Variants in THSD7A observed in about 807,000 individuals in gnomAD.
The protein encoded by THSD7A is thrombospondin type 1 domain containing 7A, also known as thrombospondin type-1 domain-containing protein 7A.
THSD7A carries 96 observed loss-of-function variants against 231.3 expected under a neutral mutation model. That is an observed-to-expected ratio of 0.41 (90% CI 0.35 to 0.49). The LOEUF is 0.49. Ranked by LOEUF, THSD7A falls within the 20% of genes least tolerant of loss-of-function variation. The pLI, the probability that THSD7A is intolerant of heterozygous loss-of-function variation, is 0.05. For missense variants in THSD7A, 2,290 were observed against 2,070.2 expected (o/e 1.11, Z -2.06); for synonymous variants, 940 against 743.3 (o/e 1.26, Z -4.30).
intron 1 of THSD7A, among the ~76,000 whole-genome samples, chr7:11,750,106 G>C (rs900774008): frequency 6.6e-6 from 1 of 151,142 alleles, no homozygotes; most frequent in African/African-American, 2.4e-5. Flanking sequence ...AAAATTTACA[G>C]GGAGCCACAA....
At position 11,814,851 on chromosome 7, in the gene THSD7A, G is replaced by A. The variant is rs1412364819; in HGVS notation, c.190+16906C>T. 6.6e-6 allele frequency among the ~76,000 whole-genome samples: 1 copy of A among 152,122 alleles called. No homozygotes were observed. Among genetic ancestry groups the A allele is most frequent in the African/African-American group, 2.4e-5 (1 of 41,430 alleles). ...TCTCAAAAGAAGCTGTTTGATAAGA[G>A]TGATTGGATCTTCTGATCTTTGCTG... On this transcript the variant is annotated intron_variant, in intron 1 of 27. Transcript: ENST00000423059. This position sits in a 1 kb window ranked among gnomAD's most constrained non-coding sequence, Gnocchi z 5.1.
In THSD7A at chr7:11,634,201, T is replaced by G. The variant is rs1010161712; in HGVS notation, c.1022+1929A>C. 1.3e-5 allele frequency among the ~76,000 whole-genome samples: 2 copies of G among 152,212 alleles called. No individual in the cohort carries two copies. The highest frequency in any genetic ancestry group is 4.8e-5 in the African/African-American group (2 of 41,454). ...ATACTGTAATAAGTCAGAAAATATA[T>G]GCAACTATCAATTTATTGGAAGTTA... On this transcript the variant is annotated intron_variant, in intron 2 of 27. Coordinates refer to ENST00000423059, the MANE Select transcript of THSD7A (RefSeq NM_015204.3). This position sits in a 1 kb window ranked among gnomAD's most constrained non-coding sequence, Gnocchi z 4.1.
At chr7:11,656,479 G>A (rs1053552572) in intron 1 of THSD7A, among the ~76,000 whole-genome samples, 1 of 151,786 alleles carries the variant, frequency 6.6e-6, no homozygotes, top group Non-Finnish European at 1.5e-5. Context: ...GAGAAAGCTT[G>A]CAGTTGGATT....
chr7:11,558,354 C>G (rs1789935581), intron 4 of THSD7A, among the ~76,000 whole-genome samples: 1 of 152,026 alleles, frequency 6.6e-6, no homozygotes, highest in African/African-American at 2.4e-5. Context: ...AAAAATAAAG[C>G]CTTTTATTAT....
intron 17 of THSD7A, among the ~76,000 whole-genome samples, chr7:11,413,316 G>A (rs913423320): frequency 1.5e-4 from 22 of 150,976 alleles, no homozygotes; most frequent in African/African-American, 5.4e-4. Flanking sequence ...AAAGTTCTAA[G>A]ACCTGCAACT....
At chr7:11,566,677 C>T (rs1306160657) in intron 4 of THSD7A, among the ~76,000 whole-genome samples, 1 of 152,078 alleles carries the variant, frequency 6.6e-6, no homozygotes, top group Non-Finnish European at 1.5e-5. Flanking sequence ...ATTTTATTTT[C>T]TCTACTCGTG....
chr7:11,799,404 T>A (rs570056207), intron 1 of THSD7A, among the ~76,000 whole-genome samples: 1 of 152,336 alleles, frequency 6.6e-6, no homozygotes, highest in African/African-American at 2.4e-5. Flanking sequence ...TTTTGATTTA[T>A]AATGATTTTT....
chr7:11,700,408 C>T (rs1780549769), intron 1 of THSD7A, among the ~76,000 whole-genome samples: 1 of 150,976 alleles, frequency 6.6e-6, no homozygotes, highest in Admixed American at 6.6e-5. Context: ...TTCTATTTTT[C>T]CCTCCTAAAA....
intron 23 of THSD7A, chr7:11,383,733 T>G (rs1782617210): frequency 6.6e-6 from 1 of 152,036 alleles, no homozygotes; most frequent in African/African-American, 2.4e-5. Context: ...CATTTGGATC[T>G]CCTGGTATGC....
intron 4 of THSD7A, among the ~76,000 whole-genome samples, chr7:11,568,694 T>C (rs1009922189): frequency 1.4e-5 from 2 of 146,046 alleles, no homozygotes; most frequent in African/African-American, 5.0e-5. Flanking sequence ...ACTGTCACCA[T>C]TCTTATTCCA....
intron 1 of THSD7A, among the ~76,000 whole-genome samples, chr7:11,765,792 C>G (rs954690589): frequency 6.6e-6 from 1 of 151,972 alleles, no homozygotes; most frequent in African/African-American, 2.4e-5. Context: ...TCCATTGCAG[C>G]CTGTACATAC....
chr7:11,564,220 C>G (rs970458129), intron 4 of THSD7A, among the ~76,000 whole-genome samples: 21 of 152,186 alleles, frequency 1.4e-4, no homozygotes, highest in African/African-American at 5.1e-4. Context: ...CTTTTCTCCT[C>G]AGCTTTATAT....
Position 11,701,027 on chromosome 7 carries a change from G to A in THSD7A, c.191-64066C>T, listed in dbSNP as rs553407648. Among the ~76,000 whole-genome samples the A allele has an allele frequency of 1.9e-4, 29 of 151,230 alleles. No individual in the cohort carries two copies. The South Asian group carries it at 2.7e-3, about 14-fold the overall frequency. On this transcript the variant is annotated intron_variant, in intron 1 of 27. Coordinates refer to ENST00000423059, the MANE Select transcript of THSD7A (RefSeq NM_015204.3). ...TTTGTATACTAGTTTAAAAGAAAATGCTATTTGTAATTCCGACTACTTTTA... is the reference window on the plus strand; with the variant it reads ...TTTGTATACTAGTTTAAAAGAAAATACTATTTGTAATTCCGACTACTTTTA...
chr7:11,645,787 G>A (rs1782256934), intron 1 of THSD7A, among the ~76,000 whole-genome samples: 1 of 151,584 alleles, frequency 6.6e-6, no homozygotes, highest in Non-Finnish European at 1.5e-5. Context: ...TCAAGCAGTA[G>A]ATATAAAAAA....
At chr7:11,613,856 C>G (rs1398928118) in intron 2 of THSD7A, among the ~76,000 whole-genome samples, 2 of 152,174 alleles carry the variant, frequency 1.3e-5, no homozygotes, top group South Asian at 2.1e-4. Context: ...TATTATGTCT[C>G]CCATGCTTCT....
chr7:11,529,191 T>C (rs28642253), intron 6 of THSD7A, among the ~76,000 whole-genome samples: 8,936 of 152,218 alleles, frequency 0.059, 906 homozygotes, highest in African/African-American at 0.2. Context: ...TCAAAAGATA[T>C]TAGCTCAATG....
At chr7:11,534,332 G>A (rs1471313966) in intron 6 of THSD7A, among the ~76,000 whole-genome samples, 1 of 152,126 alleles carries the variant, frequency 6.6e-6, no homozygotes, top group Non-Finnish European at 1.5e-5. Context: ...GCAGAATGTG[G>A]ACGAAGTGAT....
intron 13 of THSD7A, among the ~76,000 whole-genome samples, chr7:11,435,043 GC>G (rs1238773040): frequency 6.6e-6 from 1 of 151,792 alleles, no homozygotes; most frequent in Non-Finnish European, 1.5e-5. Flanking sequence ...ACATTTGAAA[GC>G]ATATGTATTC....
intron 1 of THSD7A, among the ~76,000 whole-genome samples, chr7:11,752,034 C>T (rs889499018): frequency 5.3e-5 from 8 of 152,116 alleles, no homozygotes; most frequent in African/African-American, 1.4e-4. Context: ...GAGAGTGTTG[C>T]CCCAAGATCT....
Sources: gnomAD v4.1 joint callset for allele counts (sites outside exome capture counted in the v4.1 genomes callset) on GRCh38, gnomAD v4.1.1 for gene constraint, Gnocchi (gnomAD v3.1) non-coding constraint, MANE v1.5 for transcripts, NCBI Gene and HGNC (gene_info 2026-07-23, HGNC 2026-07-21) for gene names.